The following GPRIN2 variants were observed in gnomAD, a reference collection of about 807,000 sequenced individuals.
The protein encoded by GPRIN2 is G protein-regulated inducer of neurite outgrowth 2.
Under a neutral mutation model 0.3 loss-of-function variants are expected in GPRIN2, and 1 was observed. That is an observed-to-expected ratio of 3.90 (90% CI 1.39 to 18.51). GPRIN2 has a LOEUF of 18.51. Among genes scored for constraint, GPRIN2 ranks in the 30% most tolerant of loss-of-function variants. The probability of loss-of-function intolerance (pLI) is 0.11; values close to 1 mark genes in which losing one functional copy is unlikely to be tolerated. For missense variants in GPRIN2, 880 were observed against 604.2 expected, an observed-to-expected ratio of 1.46 and a Z score of -4.79; for synonymous variants, 361 against 258.6, an observed-to-expected ratio of 1.40 and a Z score of -3.80.
intron 1 of GPRIN2, among the ~76,000 whole-genome samples, chr10:46,555,806 C>A (rs1843139429): frequency 6.6e-6 from 1 of 152,312 alleles, no homozygotes; most frequent in African/African-American, 2.4e-5. Context: ...CCGGTGTGTC[C>A]CTATCTGCAC....
In GPRIN2 at chr10:46,550,551, C is replaced by G; in HGVS notation, c.186G>C (p.Pro62=). ...LGEASTRPQA[P]EEEGNPPESM... is the part of the protein sequence containing the mutation. ...TCTCAGGCGGGTTCCCCTCTTCCTC[C>G]GGGGCCTGGGGTCTGGTGCTGGCCT... Residue 62 remains proline (P), a synonymous_variant, in exon 3 of 3, where the codon CCG becomes CCC. Coordinates refer to ENST00000374314, the MANE Select transcript of GPRIN2 (RefSeq NM_001385282.1). 6.3e-7 allele frequency: 1 copy of G among 1,588,880 alleles called. No homozygotes were observed. Among genetic ancestry groups the G allele is most frequent in the Non-Finnish European group, 8.6e-7 (1 of 1,167,068 alleles).
intron 1 of GPRIN2, among the ~76,000 whole-genome samples, chr10:46,555,943 C>G (rs1843160274): frequency 6.6e-6 from 1 of 152,310 alleles, no homozygotes; most frequent in South Asian, 2.1e-4. Context: ...CTGAAAGCAC[C>G]GCACCACGCA....
Position 46,546,958 on chromosome 10 carries a change from A to G in GPRIN2, c.*2402T>C, listed in dbSNP as rs1832874534. Among the ~76,000 whole-genome samples the G allele has an allele frequency of 1.3e-5, 2 of 152,430 alleles. No homozygotes were observed. Among genetic ancestry groups the G allele is most frequent in the East Asian group, 3.8e-4 (2 of 5,196 alleles). Reference sequence around the variant, plus strand: ...TGCCATCCTGGCAAGCCAGGGCAGCATGGAGGTAGCACAGAGTGGCACCCA... The same window carrying G: ...TGCCATCCTGGCAAGCCAGGGCAGCGTGGAGGTAGCACAGAGTGGCACCCA... On this transcript the variant is annotated 3_prime_UTR_variant, in exon 3 of 3. Coordinates refer to ENST00000374314, the MANE Select transcript of GPRIN2 (RefSeq NM_001385282.1).
chr10:46,556,962 C>T (rs1843316236), upstream of GPRIN2, among the ~76,000 whole-genome samples: 1 of 152,290 alleles, frequency 6.6e-6, no homozygotes, highest in Non-Finnish European at 1.5e-5. Context: ...CAGCTCCCCA[C>T]GATTCTCCGG....
rs1842013940 is a variant in GPRIN2, at chr10:46,544,794, G to T, written c.*4566C>A. Among the ~76,000 whole-genome samples, 1 of 132,736 alleles carries T rather than the reference G, an allele frequency of 7.5e-6. No individual in the cohort carries two copies. Among genetic ancestry groups the T allele is most frequent in the Non-Finnish European group, 1.6e-5 (1 of 60,960 alleles). 87.1% of individuals were successfully genotyped at this position (132,736 alleles called of 152,430 possible). On this transcript the variant is annotated 3_prime_UTR_variant, in exon 3 of 3. Transcript: ENST00000374314. ...CCTTCCATGGCCATGGGAAAAAGGG[G>T]TGTGTGCTGTTGGTGTGAGAGATCT...
chr10:46,549,681 C>T lies in GPRIN2; in HGVS notation c.1056G>A (p.Pro352=), dbSNP rs1832629365. ...VAACKAVATS[P]SLEAPAALHV... ...GCAGGGCTGCAGGCGCTTCCAGGGA[C>T]GGACTGGTGGCCACAGCCTTGCAGG... The change falls in exon 3 of 3, where the codon CCG becomes CCA. Residue 352 remains proline (P), a synonymous_variant. Coordinates refer to ENST00000374314, the MANE Select transcript of GPRIN2 (RefSeq NM_001385282.1). 288 of 1,613,902 alleles carry T rather than the reference C, an allele frequency of 1.8e-4. No individual in the cohort carries two copies. The highest frequency in any genetic ancestry group is 1.1e-3 in the East Asian group (48 of 44,864).
At chr10:46,556,981 C>T (rs1172889549), upstream of GPRIN2, among the ~76,000 whole-genome samples, 3 of 152,270 alleles carry the variant, frequency 2.0e-5, no homozygotes, top group Non-Finnish European at 4.4e-5. Context: ...GGCCCCAGAC[C>T]CAGCCCCTCA....
rs1832855200 is a variant in GPRIN2 at position 46,547,336 on chromosome 10, C to T, written c.*2024G>A. On this transcript the variant is annotated 3_prime_UTR_variant, in exon 3 of 3. Transcript: ENST00000374314. Reference sequence around the variant, plus strand: ...TGGAAGCCAAATGGATATTTCTAAACTGAAATCTGGTCCCACCTCAGAACC... The same window carrying T: ...TGGAAGCCAAATGGATATTTCTAAATTGAAATCTGGTCCCACCTCAGAACC... 6.6e-6 allele frequency among the ~76,000 whole-genome samples: 1 copy of T among 152,312 alleles called. No homozygotes were observed. Among genetic ancestry groups the T allele is most frequent in the African/African-American group, 2.4e-5 (1 of 41,488 alleles).
chr10:46,547,284 C>A lies in GPRIN2; in HGVS notation c.*2076G>T, dbSNP rs1832856702. Among the ~76,000 whole-genome samples, 189 of 152,322 alleles carry A rather than the reference C, an allele frequency of 1.2e-3. No individual in the cohort carries two copies. In the South Asian group the frequency reaches 0.038, roughly 31 times the overall value. On this transcript the variant is annotated 3_prime_UTR_variant, in exon 3 of 3. Coordinates refer to ENST00000374314, the MANE Select transcript of GPRIN2 (RefSeq NM_001385282.1). The stretch of plus-strand genomic sequence containing the variant: ...CTCCATTGCCCCTAAACAGGCCCCT[C>A]CTTGGTGTCACCTGGCACATCTCCA...
Position 46,549,223 on chromosome 10 carries a change from T to C in GPRIN2, c.*137A>G, listed in dbSNP as rs1358090403. On this transcript the variant is annotated 3_prime_UTR_variant, in exon 3 of 3. Transcript: ENST00000374314. ...GAAGCCCCAGGCTGCAGTCCTGTGG[T>C]CTGGAGGCAGCCAATATTCAGGTGA... is the stretch of plus-strand genomic sequence containing the variant. 9.9e-6 allele frequency: 12 copies of C among 1,207,114 alleles called. No homozygotes were observed. In the African/African-American group the frequency reaches 1.1e-4, roughly 11 times the overall value. 74.8% of individuals were successfully genotyped at this position (1,207,114 alleles called of 1,614,324 possible).
At chr10:46,553,888 A>G (rs1832019679) in intron 2 of GPRIN2, among the ~76,000 whole-genome samples, 1 of 152,418 alleles carries the variant, frequency 6.6e-6, no homozygotes, top group Non-Finnish European at 1.5e-5. Flanking sequence ...GTACTGGGGG[A>G]AAGAGGCTTC....
In GPRIN2 at chr10:46,544,388, A is replaced by G. The variant is rs1446767798; in HGVS notation, c.*4972T>C. Among the ~76,000 whole-genome samples the G allele has an allele frequency of 6.6e-6, 1 of 152,306 alleles. No individual in the cohort carries two copies. The highest frequency in any genetic ancestry group is 2.4e-5 in the African/African-American group (1 of 41,484). On this transcript the variant is annotated 3_prime_UTR_variant, in exon 3 of 3. Transcript: ENST00000374314. ...ATCCAGGCTGGAGCACAGTGGCACTATCTCGGCTCACTGCAACCTCCACCT... is the reference window on the plus strand; with the variant it reads ...ATCCAGGCTGGAGCACAGTGGCACTGTCTCGGCTCACTGCAACCTCCACCT...
chr10:46,549,155 G>T lies in GPRIN2; in HGVS notation c.*205C>A. The T allele has an allele frequency of 4.9e-6, 3 of 609,664 alleles. No individual in the cohort carries two copies. The highest frequency in any genetic ancestry group is 8.0e-6 in the Non-Finnish European group (3 of 375,920). 37.8% of individuals were successfully genotyped at this position (609,664 alleles called of 1,614,324 possible). On this transcript the variant is annotated 3_prime_UTR_variant, in exon 3 of 3. Coordinates refer to ENST00000374314, the MANE Select transcript of GPRIN2 (RefSeq NM_001385282.1). ...CGGAAGGTGCAGAGATGTGGCCCTTGGAAATCAAGCCCTTAAGAAAACAGC... is the reference window on the plus strand; with the variant it reads ...CGGAAGGTGCAGAGATGTGGCCCTTTGAAATCAAGCCCTTAAGAAAACAGC...
In GPRIN2 at chr10:46,549,976, C is replaced by G; in HGVS notation, c.761G>C (p.Gly254Ala). 6.2e-7 allele frequency: 1 copy of G among 1,614,250 alleles called. No individual in the cohort carries two copies. Among genetic ancestry groups the G allele is most frequent in the Non-Finnish European group, 8.5e-7 (1 of 1,180,052 alleles). The change falls in exon 3 of 3, where the codon GGG (glycine) becomes GCG (alanine). Residue 254 changes from glycine (G) to alanine (A), a missense_variant. Transcript: ENST00000374314. Reference protein sequence around the residue: ...GGCCHALPATGILAFPKLVAS... With the variant: ...GGCCHALPATAILAFPKLVAS... ...CACTAGTTTGGGAAAGGCCAGGATCCCTGTGGCAGGTAGGGCATGGCAGCA... is the reference window on the plus strand; with the variant it reads ...CACTAGTTTGGGAAAGGCCAGGATCGCTGTGGCAGGTAGGGCATGGCAGCA...
Position 46,550,132 on chromosome 10 carries a change from C to A in GPRIN2, c.605G>T (p.Gly202Val), listed in dbSNP as rs1555019089. Reference protein sequence around the residue: ...SQLSVPPLDLGDTTAHSSSAQ... With the variant: ...SQLSVPPLDLVDTTAHSSSAQ... The stretch of plus-strand genomic sequence containing the variant: ...ACTGCTGCTGTGGGCAGTTGTGTCC[C>A]CCAGGTCTAGTGGTGGCACTGACAA... The change falls in exon 3 of 3, where the codon GGG becomes GTG. Residue 202 changes from glycine to valine, a missense_variant. Transcript: ENST00000374314. 1 of 1,607,224 alleles carries A rather than the reference C, an allele frequency of 6.2e-7. No individual in the cohort carries two copies. The highest frequency in any genetic ancestry group is 8.5e-7 in the Non-Finnish European group (1 of 1,176,124).
In GPRIN2 at chr10:46,549,161, C is replaced by T. The variant is rs1832764850; in HGVS notation, c.*199G>A. Reference sequence around the variant, plus strand: ...GTGCAGAGATGTGGCCCTTGGAAATCAAGCCCTTAAGAAAACAGCCCAGCT... The same window carrying T: ...GTGCAGAGATGTGGCCCTTGGAAATTAAGCCCTTAAGAAAACAGCCCAGCT... On this transcript the variant is annotated 3_prime_UTR_variant, in exon 3 of 3. Transcript: ENST00000374314. 2.2e-3 allele frequency: 1,394 copies of T among 643,966 alleles called. No individual in the cohort carries two copies. The African/African-American group carries it at 0.024, about 11-fold the overall frequency. 39.9% of individuals were successfully genotyped at this position (643,966 alleles called of 1,614,324 possible). A position where few individuals can be genotyped will look rare whatever the true frequency, so the allele number is the denominator to read the frequency against.
In GPRIN2 at chr10:46,544,532, C is replaced by T. The variant is rs1841993309; in HGVS notation, c.*4828G>A. 6.6e-6 allele frequency among the ~76,000 whole-genome samples: 1 copy of T among 152,306 alleles called. No homozygotes were observed. The highest frequency in any genetic ancestry group is 1.5e-5 in the Non-Finnish European group (1 of 68,052). ...AGAGATGGGATTTCTCCATGCTGCC[C>T]AAGCTGGTTTCGAACTCCTGAGCTC... On this transcript the variant is annotated 3_prime_UTR_variant, in exon 3 of 3. Coordinates refer to ENST00000374314, the MANE Select transcript of GPRIN2 (RefSeq NM_001385282.1).
In GPRIN2 at chr10:46,550,044, T is replaced by A. The variant is rs142223309; in HGVS notation, c.693A>T (p.Pro231=). The A allele has an allele frequency of 7.4e-6, 12 of 1,613,864 alleles. No homozygotes were observed. The highest frequency in any genetic ancestry group is 1.0e-5 in the Non-Finnish European group (12 of 1,179,892). Residue 231 remains proline, a synonymous_variant, in exon 3 of 3, where the codon CCA becomes CCT. Transcript: ENST00000374314. ...CCCTCATGCCACAGAGTAGAGCAGCTGGGGGCAGAGCATGGCAGGTGGTGG... is the reference window on the plus strand; with the variant it reads ...CCCTCATGCCACAGAGTAGAGCAGCAGGGGGCAGAGCATGGCAGGTGGTGG... ...LATTTCHALP[P]AALLCGMREV...
chr10:46,550,631 T>C lies in GPRIN2; in HGVS notation c.106A>G (p.Arg36Gly). 6.3e-7 allele frequency: 1 copy of C among 1,576,156 alleles called. No individual in the cohort carries two copies. The highest frequency in any genetic ancestry group is 8.6e-7 in the Non-Finnish European group (1 of 1,161,774). The change falls in exon 3 of 3, where the codon AGG becomes GGG. Residue 36 changes from arginine to glycine, a missense_variant. Transcript: ENST00000374314. ...SSLLGEGREQRPELRKTASST... is the reference protein window; with the variant it reads ...SSLLGEGREQGPELRKTASST... ...CTGGCAGTCTTGCGGAGCTCTGGCC[T>C]CTGTTCCCGGCCTTCACCCAGCAGG...
Sources: allele counts gnomAD v4.1 joint callset (sites outside exome capture counted in the v4.1 genomes callset), GRCh38; gene constraint gnomAD v4.1.1; transcripts MANE v1.5; gene names NCBI Gene and HGNC (gene_info 2026-07-23, HGNC 2026-07-21).